The following EMB variants were observed in gnomAD, a reference collection of about 807,000 sequenced individuals.
EMB encodes the protein embigin homolog.
In EMB, 31 loss-of-function variants were observed where a neutral mutation model predicts 41.4. That is an observed-to-expected ratio of 0.75 (90% CI 0.56 to 1.01). The LOEUF (loss-of-function observed/expected upper bound fraction) is 1.01. EMB is among the 50% of genes least tolerant of loss of function. The pLI, the probability that EMB is intolerant of heterozygous loss-of-function variation, is 0.00. For missense variants in EMB, 379 were observed against 388.3 expected, an observed-to-expected ratio of 0.98 and a Z score of 0.20; for synonymous variants, 137 against 140.4, an observed-to-expected ratio of 0.98 and a Z score of 0.17.
chr5:50,437,001 T>C (rs769457090), intron 1 of EMB, among the ~76,000 whole-genome samples: 1 of 152,234 alleles, frequency 6.6e-6, no homozygotes, highest in Admixed American at 6.5e-5. Context: ...CTGGGCACCG[T>C]AGCTCTCGCC....
intron 1 of EMB, among the ~76,000 whole-genome samples, chr5:50,429,881 A>T (rs898283542): frequency 1.3e-5 from 2 of 150,632 alleles, no homozygotes; most frequent in Non-Finnish European, 3.0e-5. Flanking sequence ...ATATTCTCCC[A>T]TTCTCCCTCT....
At chr5:50,422,213 C>G (rs1745536407) in intron 2 of EMB, among the ~76,000 whole-genome samples, 1 of 152,000 alleles carries the variant, frequency 6.6e-6, no homozygotes, top group African/African-American at 2.4e-5. Flanking sequence ...AGACTGCAAG[C>G]AAAAATCTAT....
At chr5:50,406,430 A>G (rs1314949612) in intron 4 of EMB, among the ~76,000 whole-genome samples, 1 of 151,852 alleles carries the variant, frequency 6.6e-6, no homozygotes, top group African/African-American at 2.4e-5. Context: ...ATATATATAC[A>G]CTAATATCCA....
intron 2 of EMB, among the ~76,000 whole-genome samples, chr5:50,424,558 T>C (rs1361131662): frequency 1.3e-5 from 2 of 152,300 alleles, no homozygotes; most frequent in Middle Eastern, 3.4e-3. Flanking sequence ...TGAGATTCTT[T>C]ACTAAATGTT....
rs912567543 is a variant in EMB at position 50,396,306 on chromosome 5, T to G, written c.*2967A>C. ...GAAATTTACAAAATTTAATTTTTAT[T>G]TATACATTCATCCGTTCAATACACA... is the stretch of plus-strand genomic sequence containing the variant. On this transcript the variant is annotated 3_prime_UTR_variant, in exon 9 of 9. Coordinates refer to ENST00000303221, the MANE Select transcript of EMB (RefSeq NM_198449.3). The G allele has an allele frequency of 1.3e-5, 2 of 152,190 alleles. No homozygotes were observed. The highest frequency in any genetic ancestry group is 1.3e-4 in the Admixed American group (2 of 15,268). The allele number at this position is 152,190 out of a possible 1,614,324, so 9.4% of individuals were successfully genotyped here.
chr5:50,437,151 G>A (rs897797674), intron 1 of EMB, among the ~76,000 whole-genome samples: 1 of 152,048 alleles, frequency 6.6e-6, no homozygotes, highest in African/African-American at 2.4e-5. Context: ...TATGCCTGTA[G>A]TCCCAGCCAT....
rs914545094 is a variant in EMB, at chr5:50,396,756, T to G, written c.*2517A>C. ...TCAGGCAGCCACGCAAAAGAGGGAT[T>G]AATAGAAAAGGAGACTGAGGTAGGA... On this transcript the variant is annotated 3_prime_UTR_variant, in exon 9 of 9. Coordinates refer to ENST00000303221, the MANE Select transcript of EMB (RefSeq NM_198449.3). 6.0e-5 allele frequency: 9 copies of G among 151,172 alleles called. No homozygotes were observed. Among genetic ancestry groups the G allele is most frequent in the African/African-American group, 2.2e-4 (9 of 40,842 alleles). The allele number at this position is 151,172 out of a possible 1,614,324, so 9.4% of individuals were successfully genotyped here.
At chr5:50,416,371 T>C (rs1210548612) in intron 2 of EMB, among the ~76,000 whole-genome samples, 2 of 152,224 alleles carry the variant, frequency 1.3e-5, no homozygotes, top group Non-Finnish European at 2.9e-5. Flanking sequence ...CTTATTTTCA[T>C]AGGTAACATT....
At chr5:50,412,918 GGGA>G (rs1745366561) in intron 2 of EMB, among the ~76,000 whole-genome samples, 1 of 124,572 alleles carries the variant, frequency 8.0e-6, no homozygotes, top group African/African-American at 3.2e-5. Flanking sequence ...CCAGAAATCT[GGGA>G]TTTCTGGGAT....
chr5:50,412,577 C>T lies in EMB; in HGVS notation c.197-1194G>A, dbSNP rs79365906. Among the ~76,000 whole-genome samples, 43 of 152,242 alleles carry T rather than the reference C, an allele frequency of 2.8e-4. 1 individual carries two copies. In the East Asian group the frequency reaches 5.8e-3, roughly 21 times the overall value. On this transcript the variant is annotated intron_variant, in intron 2 of 8. Transcript: ENST00000303221. ...ACTCATTTCGTTTTTCCATAAGCTGCCTTTCTCTCCTCCTCTCCTTACCCT... is the reference window on the plus strand; with the variant it reads ...ACTCATTTCGTTTTTCCATAAGCTGTCTTTCTCTCCTCCTCTCCTTACCCT...
chr5:50,436,895 T>C (rs1014243235), intron 1 of EMB, among the ~76,000 whole-genome samples: 4 of 152,194 alleles, frequency 2.6e-5, no homozygotes, highest in African/African-American at 9.7e-5. Context: ...CCCTAATTCT[T>C]AACAAATGTT....
intron 4 of EMB, among the ~76,000 whole-genome samples, chr5:50,407,153 TG>T (rs1438344073): frequency 3.3e-5 from 5 of 152,022 alleles, no homozygotes; most frequent in Non-Finnish European, 7.4e-5. Flanking sequence ...AATCTCTACA[TG>T]TTTCTTTCTG....
intron 1 of EMB, among the ~76,000 whole-genome samples, chr5:50,439,535 C>A (rs1180782601): frequency 6.7e-6 from 1 of 149,688 alleles, no homozygotes; most frequent in Non-Finnish European, 1.5e-5. Flanking sequence ...CTATGTTGCC[C>A]GGGGTGGTCT....
chr5:50,413,497 C>A (rs188273422), intron 2 of EMB, among the ~76,000 whole-genome samples: 158 of 152,196 alleles, frequency 1.0e-3, no homozygotes, highest in African/African-American at 3.6e-3. Context: ...AACACATTAA[C>A]CTACATTTCA....
At chr5:50,414,226 A>G (rs1745391384) in intron 2 of EMB, among the ~76,000 whole-genome samples, 1 of 152,140 alleles carries the variant, frequency 6.6e-6, no homozygotes, top group Admixed American at 6.5e-5. Context: ...GAAAAATAAT[A>G]CAACTCAAAT....
intron 4 of EMB, among the ~76,000 whole-genome samples, chr5:50,409,878 A>T (rs542527456): frequency 1.1e-4 from 17 of 152,262 alleles, no homozygotes; most frequent in East Asian, 3.9e-4. Flanking sequence ...AGAGACCAAG[A>T]TATATAAATA....
chr5:50,423,101 TAA>T (rs569894607), intron 2 of EMB, among the ~76,000 whole-genome samples: 4 of 138,600 alleles, frequency 2.9e-5, no homozygotes, highest in African/African-American at 1.1e-4. Flanking sequence ...GCATACAAAT[TAA>T]AAAAAAAAAA....
intron 2 of EMB, among the ~76,000 whole-genome samples, chr5:50,427,042 A>G (rs1312331491): frequency 6.6e-6 from 1 of 152,162 alleles, no homozygotes; most frequent in Admixed American, 6.5e-5. Flanking sequence ...TCTAAGACTA[A>G]TTTACCCACC....
At chr5:50,412,347 C>T (rs1333875221) in intron 2 of EMB, among the ~76,000 whole-genome samples, 10 of 151,782 alleles carry the variant, frequency 6.6e-5, no homozygotes, top group Non-Finnish European at 1.2e-4. Context: ...CATTTGAGTT[C>T]CTAAAATAGC....
Sources: allele counts gnomAD v4.1 joint callset (sites outside exome capture counted in the v4.1 genomes callset), GRCh38; gene constraint gnomAD v4.1.1; transcripts MANE v1.5; gene names NCBI Gene and HGNC (gene_info 2026-07-23, HGNC 2026-07-21).